The following LCT variants were observed in gnomAD, a reference collection of about 807,000 sequenced individuals.
LCT encodes lactase.
A neutral mutation model predicts 173.0 loss-of-function variants in LCT; 90 were observed. The observed-to-expected ratio is 0.52, with a 90% CI of 0.44 to 0.62. The LOEUF (loss-of-function observed/expected upper bound fraction) is 0.62. LCT is among the 20% of genes least tolerant of loss of function. LCT has a pLI of 0.00. For missense variants in LCT, 1,864 were observed against 2,431.4 expected, an observed-to-expected ratio of 0.77 and a Z score of 4.91; for synonymous variants, 853 against 957.6, an observed-to-expected ratio of 0.89 and a Z score of 2.02.
chr2:135,793,149 G>A (rs568442180), intron 14 of LCT, among the ~76,000 whole-genome samples: 2 of 152,296 alleles, frequency 1.3e-5, no homozygotes, highest in Admixed American at 6.5e-5. Context: ...TTCACTGCTC[G>A]CATAACCAGC....
At chr2:135,811,916 T>TAA (rs762461343) in intron 7 of LCT, among the ~76,000 whole-genome samples, 3 of 138,316 alleles carry the variant, frequency 2.2e-5, no homozygotes, top group African/African-American at 8.0e-5. Flanking sequence ...ACCCCATGTC[T>TAA]AAAAAAAAAA....
rs142420254 is a variant in LCT, at chr2:135,814,261, T to C, written c.1708-1305A>G. Among the ~76,000 whole-genome samples, 1,396 of 152,320 alleles carry C rather than the reference T, an allele frequency of 9.2e-3. 17 individuals carry two copies. The highest frequency in any genetic ancestry group is 0.012 in the Non-Finnish European group (823 of 68,024). ...CCCAAATATTCGTCTTTAGTTGAGT[T>C]CTAAACTCGAATGGCAAACTGTGCT... On this transcript the variant is annotated intron_variant, in intron 6 of 16. Transcript: ENST00000264162.
Position 135,809,362 on chromosome 2 carries a change from A to C in LCT, c.2985T>G (p.His995Gln). 1 of 1,614,198 alleles carries C rather than the reference A, an allele frequency of 6.2e-7. No individual in the cohort carries two copies. The highest frequency in any genetic ancestry group is 8.5e-7 in the Non-Finnish European group (1 of 1,180,016). ...TCAGCCTGTTGTAATAATCAACCCC[A>C]TGACTGTTGATAGAGCTGTTTCTCC... ...PTGRNSSINS[H>Q]GVDYYNRLIN... Residue 995 changes from histidine to glutamine, a missense_variant, in exon 8 of 17, where the codon CAT (histidine) becomes CAG (glutamine). Transcript: ENST00000264162. The surrounding 1 kb of genome is among the most constrained non-coding windows in gnomAD (Gnocchi z 5.5).
chr2:135,823,783 A>T (rs2077858019), intron 4 of LCT, 118 bp downstream of exon 4: 6 of 746,248 alleles, frequency 8.0e-6, no homozygotes, highest in Non-Finnish European at 9.7e-6. Flanking sequence ...GTGGGCTTTT[A>T]TACTAGTCTT....
chr2:135,817,651 C>T lies in LCT; in HGVS notation c.1397G>A (p.Gly466Glu), dbSNP rs1170254481. 1 of 1,613,856 alleles carries T rather than the reference C, an allele frequency of 6.2e-7. No homozygotes were observed. Among genetic ancestry groups the T allele is most frequent in the East Asian group, 2.2e-5 (1 of 44,868 alleles). ...AACGCCTGGGAGGCTGGGGCTGCTC[C>T]CGTGCCCCATGGGGAAGATCCGGGA... Reference protein sequence around the residue: ...SWSRIFPMGHGSSPSLPGVAY... With the variant: ...SWSRIFPMGHESSPSLPGVAY... Residue 466 changes from glycine (G) to glutamate (E), a missense_variant, in exon 6 of 17, where the codon GGG becomes GAG. Gly to Glu is a moderately conservative substitution (Grantham distance 98, BLOSUM62 -2). Transcript: ENST00000264162.
chr2:135,795,185 CTA>C (rs1553651439), intron 13 of LCT, among the ~76,000 whole-genome samples: 1 of 150,430 alleles, frequency 6.6e-6, no homozygotes, highest in Non-Finnish European at 1.5e-5. Context: ...GACTCTTCCC[CTA>C]TGTTTGTAAA....
chr2:135,832,510 G>A (rs1344742536), intron 2 of LCT, among the ~76,000 whole-genome samples: 1 of 150,404 alleles, frequency 6.6e-6, no homozygotes, highest in African/African-American at 2.4e-5. Flanking sequence ...TTCAAGACAG[G>A]GTCTTGCTGT....
chr2:135,805,308 A>C (rs1469083870), intron 9 of LCT, among the ~76,000 whole-genome samples: 1 of 152,104 alleles, frequency 6.6e-6, no homozygotes, highest in Non-Finnish European at 1.5e-5. Context: ...AAAAAAATCA[A>C]AAAAATTAGC....
chr2:135,830,457 T>C (rs976917118), intron 2 of LCT, among the ~76,000 whole-genome samples: 2 of 152,160 alleles, frequency 1.3e-5, no homozygotes, highest in African/African-American at 4.8e-5. Context: ...ATTACCTGTC[T>C]TATCCCTCCC....
chr2:135,815,615 A>G (rs986263281), intron 6 of LCT, among the ~76,000 whole-genome samples: 12 of 152,126 alleles, frequency 7.9e-5, no homozygotes, highest in Admixed American at 3.9e-4. Context: ...CTTCCCCAAA[A>G]GGTTATAACA....
chr2:135,813,351 T>C (rs2077751830), intron 6 of LCT, among the ~76,000 whole-genome samples: 1 of 151,972 alleles, frequency 6.6e-6, no homozygotes, highest in African/African-American at 2.4e-5. Flanking sequence ...TGAACACCAA[T>C]GTGAAAAGGT....
rs1335546413 is a variant in LCT at position 135,817,435 on chromosome 2, A to T, written c.1613T>A (p.Val538Glu). The change falls in exon 6 of 17, where the codon GTG becomes GAG. Residue 538 changes from valine to glutamate, a missense_variant. Val to Glu is a moderately radical substitution (Grantham distance 121). This residue lies in a region of LCT where 183 missense variants were observed against 293.1 expected (regional missense o/e 0.62). Transcript: ENST00000264162. ...CATCACCCACGGCTCATGGAAGGTC[A>T]CCCACAGCTTCACACGGTCCCCAAA... The part of the protein sequence containing the change: ...STFGDRVKLW[V>E]TFHEPWVMSY... 5.6e-6 allele frequency: 9 copies of T among 1,613,996 alleles called. No homozygotes were observed. Among genetic ancestry groups the T allele is most frequent in the Non-Finnish European group, 6.8e-6 (8 of 1,180,036 alleles).
intron 14 of LCT, among the ~76,000 whole-genome samples, chr2:135,792,829 G>T (rs1373065417): frequency 6.6e-6 from 1 of 152,146 alleles, no homozygotes; most frequent in East Asian, 1.9e-4. Flanking sequence ...GAAGACAAAA[G>T]ACATAAACTC....
At chr2:135,792,586 G>T (rs1287051153) in intron 14 of LCT, among the ~76,000 whole-genome samples, 1 of 152,148 alleles carries the variant, frequency 6.6e-6, no homozygotes, top group Non-Finnish European at 1.5e-5. Flanking sequence ...CTTGCTGGCT[G>T]CATGGGAGCT....
In LCT at chr2:135,809,839, G is replaced by A. The variant is rs2077719313; in HGVS notation, c.2508C>T (p.Tyr836=). The A allele has an allele frequency of 6.8e-6, 11 of 1,614,156 alleles. No homozygotes were observed. In the East Asian group the frequency reaches 2.5e-4, roughly 36 times the overall value. ...TCTTTTCTATGATGCTAGTGAAAAA[G>A]TAGGCAGATTTCCTGGGAGTCCTTG... The part of the protein sequence containing the change: ...SKSRTPRKSA[Y]FFTSIIEKNG... Residue 836 remains tyrosine (Y), a synonymous_variant, in exon 8 of 17, where the codon TAC becomes TAT. Coordinates refer to ENST00000264162, the MANE Select transcript of LCT (RefSeq NM_002299.4). The surrounding 1 kb of genome is among the most constrained non-coding windows in gnomAD (Gnocchi z 5.5).
In LCT at chr2:135,808,706, AC is replaced by A; in HGVS notation, c.3640del (p.Val1214CysfsTer8). The A allele has an allele frequency of 6.2e-7, 1 of 1,614,118 alleles. No individual in the cohort carries two copies. The highest frequency in any genetic ancestry group is 8.5e-7 in the Non-Finnish European group (1 of 1,179,996). On this transcript the variant is annotated frameshift_variant, in exon 8 of 17. Coordinates refer to ENST00000264162, the MANE Select transcript of LCT (RefSeq NM_002299.4). LOFTEE classifies it high-confidence loss of function. ...FCLNTYYSRI[V>X]QHKTPRLNPP... ...GTTTAGCCTGGGTGTTTTGTGCTGC[AC>A]GATTCTGGAGTAGTACGTGTTGAGG...
Position 135,812,866 on chromosome 2 carries a change from C to T in LCT, c.1798G>A (p.Val600Met). Reference protein sequence around the residue: ...RPQQQGHVGIVLNSDWAEPLS... With the variant: ...RPQQQGHVGIMLNSDWAEPLS... The stretch of plus-strand genomic sequence containing the variant: ...GGTTCTGCCCAGTCTGAGTTCAGCA[C>T]AATGCCCACGTGCCCCTGCTGCTGT... Residue 600 changes from valine (V) to methionine (M), a missense_variant, in exon 7 of 17, where the codon GTG becomes ATG. Val to Met is a conservative substitution (Grantham distance 21). Transcript: ENST00000264162. 6.2e-7 allele frequency: 1 copy of T among 1,614,250 alleles called. No individual in the cohort carries two copies. The highest frequency in any genetic ancestry group is 8.5e-7 in the Non-Finnish European group (1 of 1,180,056).
intron 10 of LCT, 41 bp from the exon 11 acceptor site, chr2:135,804,169 T>C: frequency 3.3e-6 from 5 of 1,503,108 alleles, no homozygotes; most frequent in Non-Finnish European, 3.7e-6. Flanking sequence ...AGTCATGCTT[T>C]CCATGGGAAG....
chr2:135,794,836 C>G (rs558175493), intron 13 of LCT, 61 bp from the exon 14 acceptor site: 7 of 1,600,086 alleles, frequency 4.4e-6, no homozygotes, highest in Non-Finnish European at 6.0e-6. Flanking sequence ...GAGAAGAGAA[C>G]GTCATAGGGC....
Sources: allele counts gnomAD v4.1 joint callset (sites outside exome capture counted in the v4.1 genomes callset), GRCh38; gene constraint gnomAD v4.1.1; regional missense constraint gnomAD v4.1.1; non-coding constraint Gnocchi (gnomAD v3.1); transcripts MANE v1.5; gene names NCBI Gene and HGNC (gene_info 2026-07-23, HGNC 2026-07-21).